The following CHST8 variants were observed in gnomAD, a reference collection of about 807,000 sequenced individuals.
CHST8 encodes GALNAC-4-ST1.
A neutral mutation model predicts 15.0 loss-of-function variants in CHST8; 10 were observed. The observed-to-expected ratio is 0.67, with a 90% CI of 0.41 to 1.13. The LOEUF (loss-of-function observed/expected upper bound fraction) is 1.13, where lower values mean the gene tolerates loss of function less well. Among genes scored for constraint, CHST8 ranks in the 50% most tolerant of loss-of-function variants. The pLI is 0.00. For synonymous variants in CHST8, 259 were observed against 256.6 expected (o/e 1.01, Z -0.09); for missense variants, 634 against 608.2 (o/e 1.04, Z -0.45).
At chr19:33,715,944 G>A (rs2145301399) in intron 3 of CHST8, among the ~76,000 whole-genome samples, 1 of 152,286 alleles carries the variant, frequency 6.6e-6, no homozygotes, top group African/African-American at 2.4e-5. Context: ...CATATGTGTG[G>A]GTCCATTTAG....
At chr19:33,719,094 T>C (rs1274900018) in intron 3 of CHST8, among the ~76,000 whole-genome samples, 1 of 152,096 alleles carries the variant, frequency 6.6e-6, no homozygotes, top group African/African-American at 2.4e-5. Context: ...GTCATAGGTG[T>C]GACACTGCAG....
intron 3 of CHST8, among the ~76,000 whole-genome samples, chr19:33,747,121 CT>C (rs1388511511): frequency 3.9e-5 from 6 of 152,128 alleles, no homozygotes; most frequent in Non-Finnish European, 8.8e-5. Context: ...AGGGAATGGC[CT>C]GTAAATATGG....
chr19:33,689,295 T>C lies in CHST8; in HGVS notation c.34T>C (p.Cys12Arg). Residue 12 changes from cysteine to arginine, a missense_variant, in exon 3 of 5, where the codon TGC (cysteine) becomes CGC (arginine). Cys to Arg is a radical substitution (Grantham distance 180). Transcript: ENST00000650847. ...TLRPGTMRLA[C>R]MFSSILLFGA... is the part of the protein sequence containing the mutation. ...GCGACCTGGAACAATGCGGCTGGCC[T>C]GCATGTTCTCTTCCATCCTGCTGTT... is the stretch of plus-strand genomic sequence containing the variant. 6.2e-7 allele frequency: 1 copy of C among 1,608,336 alleles called. No individual in the cohort carries two copies. Among genetic ancestry groups the C allele is most frequent in the East Asian group, 2.3e-5 (1 of 44,358 alleles).
intron 2 of CHST8, among the ~76,000 whole-genome samples, chr19:33,683,518 G>C (rs1413648994): frequency 6.6e-6 from 1 of 152,156 alleles, no homozygotes; most frequent in Non-Finnish European, 1.5e-5. Context: ...TCCTGTCATA[G>C]GATTGGGCTA....
chr19:33,696,484 C>T (rs565062606), intron 3 of CHST8, among the ~76,000 whole-genome samples: 9 of 152,020 alleles, frequency 5.9e-5, no homozygotes, highest in South Asian at 2.1e-4. Context: ...CTAGGTTGTG[C>T]GCTCCTTATG....
chr19:33,759,519 C>T (rs983786875), intron 3 of CHST8, among the ~76,000 whole-genome samples: 24 of 152,202 alleles, frequency 1.6e-4, no homozygotes, highest in Non-Finnish European at 1.5e-5. Context: ...CCCTCTTTCC[C>T]TGAGAAGTGC....
chr19:33,684,992 C>G (rs943814667), intron 2 of CHST8: 1 of 152,258 alleles, frequency 6.6e-6, no homozygotes, highest in East Asian at 1.9e-4. Flanking sequence ...GGAGACCCAC[C>G]GGACAGAGAA....
chr19:33,741,969 C>T (rs1974202132), intron 3 of CHST8, among the ~76,000 whole-genome samples: 1 of 152,010 alleles, frequency 6.6e-6, no homozygotes, highest in Non-Finnish European at 1.5e-5. Context: ...AGGCTTGGGT[C>T]ATTTATTACC....
intron 3 of CHST8, among the ~76,000 whole-genome samples, chr19:33,748,151 G>A (rs1568353827): frequency 1.3e-5 from 2 of 152,190 alleles, no homozygotes; most frequent in African/African-American, 2.4e-5. Context: ...TCTGATCCAC[G>A]GCATCTAGGG....
chr19:33,768,819 G>A (rs547002292), intron 3 of CHST8, among the ~76,000 whole-genome samples: 8 of 152,262 alleles, frequency 5.3e-5, no homozygotes, highest in South Asian at 4.1e-4. Flanking sequence ...ATAAGCTGCC[G>A]TAAGTCTAAG....
At chr19:33,698,679 C>T (rs980869471) in intron 3 of CHST8, among the ~76,000 whole-genome samples, 15 of 151,632 alleles carry the variant, frequency 9.9e-5, no homozygotes, top group East Asian at 5.8e-4. Context: ...GGGGAGAGGT[C>T]GGGGCAATGG....
intron 3 of CHST8, among the ~76,000 whole-genome samples, chr19:33,691,391 G>A (rs1231547711): frequency 6.6e-6 from 1 of 152,218 alleles, no homozygotes; most frequent in Non-Finnish European, 1.5e-5. Context: ...AGACTTGACG[G>A]TCTGGGTAAA....
intron 1 of CHST8, among the ~76,000 whole-genome samples, chr19:33,653,691 A>G (rs1972476411): frequency 6.6e-6 from 1 of 152,232 alleles, no homozygotes; most frequent in African/African-American, 2.4e-5. Flanking sequence ...AGCTGGGGAA[A>G]ATTACTTAAA....
At chr19:33,660,537 T>C (rs1972573204) in intron 1 of CHST8, among the ~76,000 whole-genome samples, 1 of 152,126 alleles carries the variant, frequency 6.6e-6, no homozygotes, top group African/African-American at 2.4e-5. Context: ...CAGATGGTGA[T>C]GAAAGCAGTC....
chr19:33,658,818 G>T (rs1972546666), intron 1 of CHST8, among the ~76,000 whole-genome samples: 1 of 151,982 alleles, frequency 6.6e-6, no homozygotes, highest in Non-Finnish European at 1.5e-5. Flanking sequence ...TTTTCTACCA[G>T]AACCCTGTTC....
chr19:33,714,728 A>G (rs1973632795), intron 3 of CHST8, among the ~76,000 whole-genome samples: 1 of 152,172 alleles, frequency 6.6e-6, no homozygotes, highest in Non-Finnish European at 1.5e-5. Context: ...TTCTCGTGAT[A>G]GTGAATGAGT....
At chr19:33,753,350 A>C (rs1974457611) in intron 3 of CHST8, among the ~76,000 whole-genome samples, 1 of 149,336 alleles carries the variant, frequency 6.7e-6, no homozygotes, top group Non-Finnish European at 1.5e-5. Flanking sequence ...TCCTCCATCT[A>C]CCTATTATCC....
At chr19:33,627,246 A>G (rs1333510075) in intron 1 of CHST8, among the ~76,000 whole-genome samples, 5 of 149,706 alleles carry the variant, frequency 3.3e-5, no homozygotes, top group Non-Finnish European at 7.4e-5. Flanking sequence ...GATTACAGGC[A>G]TGCACCACCA....
Position 33,680,793 on chromosome 19 carries a change from A to C in CHST8, c.-86-8383A>C, listed in dbSNP as rs58284910. Among the ~76,000 whole-genome samples, 874 of 152,328 alleles carry C rather than the reference A, an allele frequency of 5.7e-3. 7 individuals are homozygous for C. The highest frequency in any genetic ancestry group is 0.02 in the African/African-American group (828 of 41,580). ...GGGCTGGAGCTGATCCATGGAAATGACTATCTCTTATTTACGTGCACAACA... is the reference window on the plus strand; with the variant it reads ...GGGCTGGAGCTGATCCATGGAAATGCCTATCTCTTATTTACGTGCACAACA... On this transcript the variant is annotated intron_variant, in intron 2 of 4. Transcript: ENST00000650847.
Sources: gnomAD v4.1 joint callset for allele counts (sites outside exome capture counted in the v4.1 genomes callset) on GRCh38, gnomAD v4.1.1 for gene constraint, MANE v1.5 for transcripts, NCBI Gene and HGNC (gene_info 2026-07-23, HGNC 2026-07-21) for gene names.